Variants in AGPAT5 observed in about 807,000 individuals in gnomAD.
AGPAT5 encodes the protein 1-acylglycerol-3-phosphate O-acyltransferase 5.
A neutral mutation model predicts 45.6 loss-of-function variants in AGPAT5; 46 were observed. The observed-to-expected ratio is 1.01, with a 90% CI of 0.80 to 1.29. The LOEUF (loss-of-function observed/expected upper bound fraction) is 1.29. AGPAT5 is among the 50% of genes most tolerant of loss of function. The probability of loss-of-function intolerance (pLI) is 0.00; values close to 1 mark genes in which losing one functional copy is unlikely to be tolerated. For missense variants in AGPAT5, 673 were observed against 450.7 expected, an observed-to-expected ratio of 1.49 and a Z score of -4.47; for synonymous variants, 272 against 167.0, an observed-to-expected ratio of 1.63 and a Z score of -4.85.
chr8:6,739,687 G>C (rs1032095323), intron 4 of AGPAT5, among the ~76,000 whole-genome samples: 1 of 151,892 alleles, frequency 6.6e-6, no homozygotes, highest in Non-Finnish European at 1.5e-5. Context: ...AAACAATCAT[G>C]TCATTGTTAT....
At chr8:6,730,976 C>T (rs1800843144) in intron 3 of AGPAT5, 150 bp downstream of exon 3, 2 of 449,650 alleles carry the variant, frequency 4.4e-6, no homozygotes, top group Non-Finnish European at 3.9e-6. Context: ...TCAAGTGAAC[C>T]TCCTGCCTCT....
rs1015749214 is a variant in AGPAT5, at chr8:6,738,846, T to C, written c.496-2815T>C. The stretch of plus-strand genomic sequence containing the variant: ...TTAAGCTTAATTTATTGATTTTTTT[T>C]CTCTCATAATTTCCACTTTTTGTAT... On this transcript the variant is annotated intron_variant, in intron 4 of 7. Coordinates refer to ENST00000285518, the MANE Select transcript of AGPAT5 (RefSeq NM_018361.5). Among the ~76,000 whole-genome samples, 64 of 152,098 alleles carry C rather than the reference T, an allele frequency of 4.2e-4. 1 individual carries two copies. Among genetic ancestry groups the C allele is most frequent in the African/African-American group, 1.5e-3 (63 of 41,380 alleles).
chr8:6,718,346 T>C (rs1458300042), intron 1 of AGPAT5, among the ~76,000 whole-genome samples: 2 of 152,234 alleles, frequency 1.3e-5, no homozygotes, highest in African/African-American at 4.8e-5. Flanking sequence ...GCTTGCTTTC[T>C]TCAGCTGAGA....
In AGPAT5 at chr8:6,760,491, G is replaced by C. The variant is rs935214264; in HGVS notation, c.*3103G>C. ...ATGTACCACAAAAAATGTGAAAAGA[G>C]AGAGAAATGTCTACCAAAGCAGTAT... On this transcript the variant is annotated 3_prime_UTR_variant, in exon 8 of 8. Transcript: ENST00000285518. Among the ~76,000 whole-genome samples the C allele has an allele frequency of 1.3e-5, 2 of 152,222 alleles. No individual in the cohort carries two copies. Among genetic ancestry groups the C allele is most frequent in the African/African-American group, 2.4e-5 (1 of 41,454 alleles).
intron 5 of AGPAT5, among the ~76,000 whole-genome samples, chr8:6,744,647 T>C (rs546775675): frequency 6.6e-6 from 1 of 152,314 alleles, no homozygotes; most frequent in African/African-American, 2.4e-5. Flanking sequence ...TTGAAGTTCA[T>C]CTGGAAATGG....
chr8:6,728,759 G>T (rs774110653), intron 2 of AGPAT5, among the ~76,000 whole-genome samples: 8 of 152,130 alleles, frequency 5.3e-5, no homozygotes, highest in Non-Finnish European at 1.0e-4. Context: ...AGAATTTATT[G>T]TCTGCTTACT....
In AGPAT5 at chr8:6,732,878, A is replaced by G. The variant is rs139754032; in HGVS notation, c.495+228A>G. On this transcript the variant is annotated intron_variant, in intron 4 of 7. Transcript: ENST00000285518. ...TCCTTTGCTGGTCAGTGGACCTTAA[A>G]GAGGAATAAAAAGAGCATTTGGTGT... 3.1e-3 allele frequency among the ~76,000 whole-genome samples: 474 copies of G among 152,312 alleles called. 5 individuals are homozygous for G. Among genetic ancestry groups the G allele is most frequent in the Non-Finnish European group, 3.9e-3 (266 of 68,034 alleles).
intron 2 of AGPAT5, among the ~76,000 whole-genome samples, chr8:6,727,825 A>T (rs1021922524): frequency 6.6e-6 from 1 of 152,226 alleles, no homozygotes; most frequent in East Asian, 1.9e-4. Flanking sequence ...CCTGTTCGGC[A>T]TTGCAGAAAT....
At chr8:6,745,232 C>T (rs1801399454) in intron 5 of AGPAT5, 1 of 154,378 alleles carries the variant, frequency 6.5e-6, no homozygotes, top group South Asian at 2.0e-4. Flanking sequence ...GACATGGCAA[C>T]GTCAACAGTT....
chr8:6,748,484 G>A (rs932469778), intron 6 of AGPAT5, among the ~76,000 whole-genome samples: 1 of 151,986 alleles, frequency 6.6e-6, no homozygotes, highest in Non-Finnish European at 1.5e-5. Context: ...GAGAACACTA[G>A]GCTTCATGGG....
chr8:6,753,123 A>G (rs150957352), intron 6 of AGPAT5, among the ~76,000 whole-genome samples: 49 of 152,364 alleles, frequency 3.2e-4, no homozygotes, highest in Non-Finnish European at 6.3e-4. Context: ...TTCTGAGCAC[A>G]TGTACGTTTT....
chr8:6,755,104 A>G lies in AGPAT5; in HGVS notation c.799A>G (p.Lys267Glu), dbSNP rs1236158858. 1 of 1,606,058 alleles carries G rather than the reference A, an allele frequency of 6.2e-7. No homozygotes were observed. The highest frequency in any genetic ancestry group is 1.7e-4 in the Middle Eastern group (1 of 6,046). The change falls in exon 7 of 8, where the codon AAA (lysine) becomes GAA (glutamate). Residue 267 changes from lysine (K) to glutamate (E), a missense_variant. Physicochemically the swap from Lys to Glu is moderately conservative, Grantham distance 56 (BLOSUM62 1). Transcript: ENST00000285518. ...TCATATTCACATTGATCGTATCGAC[A>G]AAAAAGATGTCCCAGAAGAACAAGA... ...KIHIHIDRID[K>E]KDVPEEQEHM...
At position 6,760,219 on chromosome 8, in the gene AGPAT5, C is replaced by G. The variant is rs1801986884; in HGVS notation, c.*2831C>G. 6.6e-6 allele frequency among the ~76,000 whole-genome samples: 1 copy of G among 152,004 alleles called. No homozygotes were observed. Among genetic ancestry groups the G allele is most frequent in the African/African-American group, 2.4e-5 (1 of 41,388 alleles). ...CCAGCCTGGGCAACATATCGAGAAC[C>G]TGTCTACAAAAAAATTAAAAAAAAT... On this transcript the variant is annotated 3_prime_UTR_variant, in exon 8 of 8. Coordinates refer to ENST00000285518, the MANE Select transcript of AGPAT5 (RefSeq NM_018361.5).
At chr8:6,756,116 G>A (rs1307610077) in intron 7 of AGPAT5, among the ~76,000 whole-genome samples, 1 of 152,132 alleles carries the variant, frequency 6.6e-6, no homozygotes, top group Non-Finnish European at 1.5e-5. Flanking sequence ...TTCTGTTTGT[G>A]TTTTAGATTA....
rs1039180019 is a variant in AGPAT5, at chr8:6,759,200, G to T, written c.*1812G>T. On this transcript the variant is annotated 3_prime_UTR_variant, in exon 8 of 8. Transcript: ENST00000285518. ...AATTCCATGTCTTTGTTAAGTACAG[G>T]GATTTAATATATTTTGAATATAATG... 9 of 152,070 alleles carry T rather than the reference G, an allele frequency of 5.9e-5. No homozygotes were observed. The highest frequency in any genetic ancestry group is 1.0e-4 in the Non-Finnish European group (7 of 68,000). 9.4% of individuals were successfully genotyped at this position (152,070 alleles called of 1,614,324 possible).
rs1426379286 is a variant in AGPAT5, at chr8:6,708,788, C to T, written c.120C>T (p.Ala40=). 4 of 1,610,018 alleles carry T rather than the reference C, an allele frequency of 2.5e-6. No individual in the cohort carries two copies. Among genetic ancestry groups the T allele is most frequent in the Non-Finnish European group, 1.7e-6 (2 of 1,179,704 alleles). Residue 40 remains alanine, a synonymous_variant, in exon 1 of 8, where the codon GCC becomes GCT. Transcript: ENST00000285518. Reference sequence around the variant, plus strand: ...GGGGGGTCTGGCGGCTGCTCTCCGCCTTCCTGCCCGCCCGCTTCTACCAAG... The same window carrying T: ...GGGGGGTCTGGCGGCTGCTCTCCGCTTTCCTGCCCGCCCGCTTCTACCAAG... ...LAWGVWRLLS[A]FLPARFYQAL... is the part of the protein sequence containing the mutation.
chr8:6,728,888 G>T (rs1800774985), intron 2 of AGPAT5, among the ~76,000 whole-genome samples: 1 of 152,128 alleles, frequency 6.6e-6, no homozygotes, highest in Non-Finnish European at 1.5e-5. Flanking sequence ...TAGGGAGAGG[G>T]CTTCAACAGG....
intron 6 of AGPAT5, 106 bp from the exon 7 acceptor site, chr8:6,754,945 T>C (rs562418107): frequency 1.6e-4 from 150 of 944,300 alleles, no homozygotes; most frequent in Non-Finnish European, 1.9e-5. Flanking sequence ...TACTTTTTCT[T>C]CATTTTACAA....
rs553693038 is a variant in AGPAT5, at chr8:6,752,392, A to G, written c.746-2659A>G. ...AAAGATGAGATTTCTGTGTGTGTCTATATCTCCTGTTCTTCATATTTTCTT... is the reference window on the plus strand; with the variant it reads ...AAAGATGAGATTTCTGTGTGTGTCTGTATCTCCTGTTCTTCATATTTTCTT... On this transcript the variant is annotated intron_variant, in intron 6 of 7. Coordinates refer to ENST00000285518, the MANE Select transcript of AGPAT5 (RefSeq NM_018361.5). 7.0e-4 allele frequency among the ~76,000 whole-genome samples: 107 copies of G among 152,220 alleles called. 1 individual carries two copies. The highest frequency in any genetic ancestry group is 2.4e-3 in the African/African-American group (99 of 41,538).
Sources: gnomAD v4.1 joint callset for allele counts (sites outside exome capture counted in the v4.1 genomes callset) on GRCh38, gnomAD v4.1.1 for gene constraint, MANE v1.5 for transcripts, NCBI Gene and HGNC (gene_info 2026-07-23, HGNC 2026-07-21) for gene names.